The following ATXN7 variants were observed in gnomAD, a reference collection of about 807,000 sequenced individuals.
ATXN7 encodes ataxin 7.
In ATXN7, 12 loss-of-function variants were observed where a neutral mutation model predicts 70.5. The ratio of observed to expected loss-of-function variants is 0.17; its 90% CI spans 0.11 to 0.28. The LOEUF (loss-of-function observed/expected upper bound fraction) is 0.28, where lower values mean the gene tolerates loss of function less well. ATXN7 is among the 10% of genes least tolerant of loss of function. ATXN7 has a pLI of 1.00. For synonymous variants in ATXN7, 498 were observed against 448.7 expected (o/e 1.11, Z -1.39); for missense variants, 1,256 against 1,131.7 (o/e 1.11, Z -1.58).
chr3:63,875,568 A>C (rs954811285), intron 1 of ATXN7, among the ~76,000 whole-genome samples: 4 of 152,048 alleles, frequency 2.6e-5, no homozygotes, highest in African/African-American at 9.7e-5. Context: ...GATTTACCCC[A>C]TCTCTTCTTG....
At position 63,913,234 on chromosome 3, in the gene ATXN7, A is replaced by G; in HGVS notation, c.394+9A>G. On this transcript the variant is annotated intron_variant, in intron 4 of 12. Coordinates refer to ENST00000674280, the MANE Select transcript of ATXN7 (RefSeq NM_001377405.1). ...GGGGCTCTGTCGGGAAGGTGAGTCC[A>G]GCCCCCCTGATGGAGTTTGTACAAA... The G allele has an allele frequency of 6.2e-7, 1 of 1,613,116 alleles. No individual in the cohort carries two copies. The highest frequency in any genetic ancestry group is 8.5e-7 in the Non-Finnish European group (1 of 1,179,314).
In ATXN7 at chr3:64,002,505, G is replaced by A. The variant is rs2075844091; in HGVS notation, c.*3038G>A. ...TGTGGGAGTATGTGACTGCGTGTGT[G>A]TGTGCCTGTGCGTGTGTGTGTATAC... On this transcript the variant is annotated 3_prime_UTR_variant, in exon 13 of 13. Transcript: ENST00000674280. 1 of 150,880 alleles carries A rather than the reference G, an allele frequency of 6.6e-6. No individual in the cohort carries two copies. Among genetic ancestry groups the A allele is most frequent in the Non-Finnish European group, 1.5e-5 (1 of 67,968 alleles). 9.3% of individuals were successfully genotyped at this position (150,880 alleles called of 1,614,324 possible).
chr3:63,922,082 A>G (rs1296142310), intron 4 of ATXN7, among the ~76,000 whole-genome samples: 2 of 151,548 alleles, frequency 1.3e-5, no homozygotes, highest in East Asian at 1.9e-4. Context: ...TGCCCAGGCT[A>G]TAGTGCAGTG....
chr3:63,947,265 T>C (rs1458403142), intron 4 of ATXN7, among the ~76,000 whole-genome samples: 24 of 152,096 alleles, frequency 1.6e-4, no homozygotes, highest in Admixed American at 1.6e-3. Context: ...GTGAAGTAGG[T>C]ACTATGGTCA....
intron 4 of ATXN7, among the ~76,000 whole-genome samples, 178 bp downstream of exon 4, chr3:63,913,403 T>C (rs963593946): frequency 6.6e-6 from 1 of 152,088 alleles, no homozygotes; most frequent in African/African-American, 2.4e-5. Flanking sequence ...TTTGGGGGCC[T>C]CCTGTAATGA....
intron 5 of ATXN7, among the ~76,000 whole-genome samples, chr3:63,956,693 C>G (rs2075044471): frequency 6.6e-6 from 1 of 152,104 alleles, no homozygotes; most frequent in South Asian, 2.1e-4. Flanking sequence ...GATGCAGATA[C>G]AGTCCACTCT....
Position 63,983,015 on chromosome 3 carries a change from A to G in ATXN7, c.1089A>G (p.Thr363=), listed in dbSNP as rs749976928. 1 of 1,613,738 alleles carries G rather than the reference A, an allele frequency of 6.2e-7. No individual in the cohort carries two copies. Among genetic ancestry groups the G allele is most frequent in the Non-Finnish European group, 8.5e-7 (1 of 1,179,710 alleles). The change falls in exon 8 of 13, where the codon ACA becomes ACG. Residue 363 remains threonine, a synonymous_variant. Coordinates refer to ENST00000674280, the MANE Select transcript of ATXN7 (RefSeq NM_001377405.1). ...AGAAGCCCTGCACCCGGTCTTTGAC[A>G]TGCAAGGTAGGTGGACTCCTGAAAG... The part of the protein sequence containing the change: ...DTKKPCTRSL[T]CKTHSLTQRR...
chr3:63,942,251 C>T (rs528391216), intron 4 of ATXN7, among the ~76,000 whole-genome samples: 43 of 152,284 alleles, frequency 2.8e-4, no homozygotes, highest in African/African-American at 1.0e-3. Context: ...AGAGCATGTA[C>T]TTTGGAGTAG....
At chr3:63,967,736 C>T in intron 5 of ATXN7, 1 of 1,391,608 alleles carries the variant, frequency 7.2e-7, no homozygotes, top group Admixed American at 2.9e-5. Flanking sequence ...AATTAGACTC[C>T]ACCCCCTGTT....
intron 5 of ATXN7, among the ~76,000 whole-genome samples, chr3:63,965,582 T>C (rs1244292320): frequency 6.6e-6 from 1 of 152,232 alleles, no homozygotes; most frequent in African/African-American, 2.4e-5. Context: ...TAGTCTGTAG[T>C]ATTTTTTTAG....
At chr3:63,874,985 A>G (rs1466486412) in intron 1 of ATXN7, among the ~76,000 whole-genome samples, 1 of 152,184 alleles carries the variant, frequency 6.6e-6, no homozygotes, top group Non-Finnish European at 1.5e-5. Flanking sequence ...GGAAGGGGCA[A>G]ACAAGCTCCT....
chr3:63,944,739 A>G (rs1172730690), intron 4 of ATXN7, among the ~76,000 whole-genome samples: 4 of 152,094 alleles, frequency 2.6e-5, no homozygotes, highest in African/African-American at 9.7e-5. Flanking sequence ...ATGTGGATCA[A>G]TTTTGTGAGT....
intron 12 of ATXN7, chr3:63,998,193 G>C: frequency 1.9e-6 from 1 of 539,386 alleles, no homozygotes; most frequent in Non-Finnish European, 2.1e-6. Flanking sequence ...GTAACAAAAA[G>C]GACAGAAGGG....
intron 5 of ATXN7, among the ~76,000 whole-genome samples, chr3:63,969,491 ACAAC>A (rs1219694819): frequency 3.3e-5 from 5 of 152,240 alleles, no homozygotes; most frequent in Non-Finnish European, 7.3e-5. Context: ...CAAAACAGAA[ACAAC>A]CAAACAAAAA....
intron 12 of ATXN7, chr3:63,998,199 AAG>A: frequency 2.6e-6 from 1 of 379,862 alleles, no homozygotes; most frequent in Non-Finnish European, 3.2e-6. Flanking sequence ...AAAAGGACAG[AAG>A]GGGGGGGGGC....
chr3:63,994,733 C>A (rs1206055700), intron 11 of ATXN7, among the ~76,000 whole-genome samples: 1 of 152,192 alleles, frequency 6.6e-6, no homozygotes, highest in African/African-American at 2.4e-5. Flanking sequence ...CCAGTCAGGC[C>A]TTTTTGTCTT....
At chr3:63,895,907 T>G (rs1410149219) in intron 1 of ATXN7, among the ~76,000 whole-genome samples, 1 of 152,192 alleles carries the variant, frequency 6.6e-6, no homozygotes, top group African/African-American at 2.4e-5. Context: ...TCATTCTCTC[T>G]TTGCTGACTG....
chr3:63,999,240 TG>T, intron 12 of ATXN7: 1 of 534,570 alleles, frequency 1.9e-6, no homozygotes, highest in South Asian at 2.5e-5. Context: ...TGGCTAGAAG[TG>T]AATCTTTGCA....
chr3:63,906,563 T>C (rs879591248), intron 2 of ATXN7, among the ~76,000 whole-genome samples: 30 of 152,224 alleles, frequency 2.0e-4, no homozygotes, highest in Non-Finnish European at 3.7e-4. Flanking sequence ...TTTCAGAGCA[T>C]ATACTCTTAA....
Sources: allele counts gnomAD v4.1 joint callset (sites outside exome capture counted in the v4.1 genomes callset), GRCh38; gene constraint gnomAD v4.1.1; transcripts MANE v1.5; gene names NCBI Gene and HGNC (gene_info 2026-07-23, HGNC 2026-07-21).